Variants in TXNL1 observed in about 807,000 individuals in gnomAD.
The protein encoded by TXNL1 is thioredoxin like 1.
A neutral mutation model predicts 35.5 loss-of-function variants in TXNL1; 14 were observed. The ratio of observed to expected loss-of-function variants is 0.39; its 90% CI spans 0.26 to 0.62. The LOEUF (loss-of-function observed/expected upper bound fraction) is 0.62, where lower values mean the gene tolerates loss of function less well. TXNL1 is among the 20% of genes least tolerant of loss of function. The pLI is 0.47. For synonymous variants in TXNL1, 110 were observed against 115.5 expected (o/e 0.95, Z 0.31); for missense variants, 263 against 349.7 (o/e 0.75, Z 1.98).
At chr18:56,607,139 C>G (rs2023909936) in intron 7 of TXNL1, among the ~76,000 whole-genome samples, 1 of 149,484 alleles carries the variant, frequency 6.7e-6, no homozygotes, top group Non-Finnish European at 1.5e-5. Context: ...ACAGGTGTGC[C>G]CACCACCTTG....
rs1374595225 is a variant in TXNL1 at position 56,600,086 on chromosome 18, G to A, written c.*2941C>T. ...ACTTTATTCTTATTACAGAATCAAAGCTTTTAGACATTAAGAGGAACAAGG... is the reference window on the plus strand; with the variant it reads ...ACTTTATTCTTATTACAGAATCAAAACTTTTAGACATTAAGAGGAACAAGG... On this transcript the variant is annotated 3_prime_UTR_variant, in exon 8 of 8. Coordinates refer to ENST00000217515, the MANE Select transcript of TXNL1 (RefSeq NM_004786.3). The A allele has an allele frequency of 6.6e-6, 1 of 152,158 alleles. No individual in the cohort carries two copies. The highest frequency in any genetic ancestry group is 6.6e-5 in the Admixed American group (1 of 15,266). The allele number at this position is 152,158 out of a possible 1,614,324, so 9.4% of individuals were successfully genotyped here.
chr18:56,637,555 CTTT>C (rs2024475778), intron 1 of TXNL1, among the ~76,000 whole-genome samples: 1 of 152,186 alleles, frequency 6.6e-6, no homozygotes, highest in Non-Finnish European at 1.5e-5. Flanking sequence ...AAAGGTCCAC[CTTT>C]TCTACGACCT....
At position 56,602,887 on chromosome 18, in the gene TXNL1, T is replaced by C. The variant is rs2023829976; in HGVS notation, c.*140A>G. The C allele has an allele frequency of 4.4e-6, 4 of 906,870 alleles. No homozygotes were observed. The Admixed American group carries it at 7.1e-5, about 16-fold the overall frequency. 56.2% of individuals were successfully genotyped at this position (906,870 alleles called of 1,614,324 possible). A position where few individuals can be genotyped will look rare whatever the true frequency, so the allele number is the denominator to read the frequency against. On this transcript the variant is annotated 3_prime_UTR_variant, in exon 8 of 8. Transcript: ENST00000217515. ...TGTGTCAAGATTACAATGGAAACAC[T>C]AGTGATACCATCTGAACAAAAGCAA...
chr18:56,609,334 A>C (rs2023953407), intron 7 of TXNL1: 1 of 152,208 alleles, frequency 6.6e-6, no homozygotes, highest in Admixed American at 6.5e-5. Context: ...GACAGCCCCC[A>C]AAAACGTAGT....
chr18:56,614,318 G>T, intron 6 of TXNL1, 106 bp downstream of exon 6: 2 of 984,232 alleles, frequency 2.0e-6, no homozygotes, highest in Non-Finnish European at 2.9e-6. Flanking sequence ...TTCAAACTGA[G>T]TGAATAAATA....
In TXNL1 at chr18:56,602,771, C is replaced by T. The variant is rs186255005; in HGVS notation, c.*256G>A. On this transcript the variant is annotated 3_prime_UTR_variant, in exon 8 of 8. Transcript: ENST00000217515. Reference sequence around the variant, plus strand: ...AGTCTCTACTAAAATCAGAAGTTAACCAGTTTTCAAATACATGGAAAGAGA... The same window carrying T: ...AGTCTCTACTAAAATCAGAAGTTAATCAGTTTTCAAATACATGGAAAGAGA... The T allele has an allele frequency of 9.8e-4, 541 of 554,612 alleles. 3 individuals are homozygous for T. Among genetic ancestry groups the T allele is most frequent in the East Asian group, 7.1e-3 (231 of 32,400 alleles). 34.4% of individuals were successfully genotyped at this position (554,612 alleles called of 1,614,324 possible).
chr18:56,624,001 T>C (rs1383960784), intron 3 of TXNL1, among the ~76,000 whole-genome samples: 1 of 152,152 alleles, frequency 6.6e-6, no homozygotes, highest in Non-Finnish European at 1.5e-5. Context: ...AAAGCAAGTA[T>C]TTTTAAATGG....
At chr18:56,618,686 G>A (rs570992472) in intron 3 of TXNL1, among the ~76,000 whole-genome samples, 6 of 146,812 alleles carry the variant, frequency 4.1e-5, no homozygotes, top group Non-Finnish European at 9.0e-5. Flanking sequence ...CTCCTGATTA[G>A]TTTGAAAAAA....
chr18:56,629,057 T>G (rs1306276518), intron 1 of TXNL1, among the ~76,000 whole-genome samples: 2 of 152,226 alleles, frequency 1.3e-5, no homozygotes, highest in Non-Finnish European at 1.5e-5. Flanking sequence ...TATCTATTCA[T>G]TTTAGATGAA....
intron 3 of TXNL1, among the ~76,000 whole-genome samples, chr18:56,622,473 A>G (rs1286251975): frequency 6.6e-6 from 1 of 152,240 alleles, no homozygotes; most frequent in Non-Finnish European, 1.5e-5. Context: ...AAGATTACCA[A>G]ATTTAAATAC....
intron 3 of TXNL1, among the ~76,000 whole-genome samples, chr18:56,620,528 A>ATCTTTACT (rs1304236226): frequency 6.6e-6 from 1 of 152,170 alleles, no homozygotes; most frequent in African/African-American, 2.4e-5. Flanking sequence ...TAGGGAAGAA[A>ATCTTTACT]TCTTTACTAC....
intron 3 of TXNL1, among the ~76,000 whole-genome samples, chr18:56,622,796 T>C (rs568035935): frequency 6.6e-6 from 1 of 152,108 alleles, no homozygotes; most frequent in Non-Finnish European, 1.5e-5. Context: ...AACACAATGG[T>C]TTACAAGTTA....
chr18:56,637,777 A>C lies in TXNL1; in HGVS notation c.98+566T>G, dbSNP rs917339085. Among the ~76,000 whole-genome samples, 15 of 152,324 alleles carry C rather than the reference A, an allele frequency of 9.8e-5. No homozygotes were observed. In the East Asian group the frequency reaches 2.9e-3, roughly 29 times the overall value. ...TTAGTGGCCGAACGAGGAAGAAAAA[A>C]GTTCAAATAATTTAAAAAGCACCCT... is the stretch of plus-strand genomic sequence containing the variant. On this transcript the variant is annotated intron_variant, in intron 1 of 7. Coordinates refer to ENST00000217515, the MANE Select transcript of TXNL1 (RefSeq NM_004786.3).
chr18:56,618,893 A>G (rs1401225606), intron 3 of TXNL1, among the ~76,000 whole-genome samples: 1 of 152,136 alleles, frequency 6.6e-6, no homozygotes, highest in Non-Finnish European at 1.5e-5. Context: ...AAGATCCAAA[A>G]AAGTATACAC....
At chr18:56,618,630 G>C (rs988446160) in intron 3 of TXNL1, among the ~76,000 whole-genome samples, 1 of 151,266 alleles carries the variant, frequency 6.6e-6, no homozygotes, top group Non-Finnish European at 1.5e-5. Context: ...ATCAACTGAA[G>C]GCCACTCTTG....
chr18:56,616,085 T>C (rs1023701717), intron 5 of TXNL1, among the ~76,000 whole-genome samples, 160 bp downstream of exon 5: 4 of 151,028 alleles, frequency 2.6e-5, no homozygotes, highest in Middle Eastern at 3.4e-3. Context: ...TGAGCTAAGA[T>C]TGCACCACCG....
intron 1 of TXNL1, among the ~76,000 whole-genome samples, chr18:56,631,630 T>G (rs1309994914): frequency 6.6e-6 from 1 of 152,084 alleles, no homozygotes; most frequent in Non-Finnish European, 1.5e-5. Context: ...TATAAAGAAA[T>G]AAACCCAGCC....
intron 6 of TXNL1, 21 bp downstream of exon 6, chr18:56,614,401 CAT>C: frequency 6.2e-7 from 1 of 1,600,880 alleles, no homozygotes; most frequent in Non-Finnish European, 8.5e-7. Flanking sequence ...CTATTAAATA[CAT>C]ATGAACGAAA....
chr18:56,614,728 G>T, intron 5 of TXNL1, 132 bp from the exon 6 acceptor site: 1 of 746,952 alleles, frequency 1.3e-6, no homozygotes, highest in Non-Finnish European at 2.0e-6. Context: ...TCCATTATTA[G>T]AACTTGTACA....
Sources: allele counts gnomAD v4.1 joint callset (sites outside exome capture counted in the v4.1 genomes callset), GRCh38; gene constraint gnomAD v4.1.1; transcripts MANE v1.5; gene names NCBI Gene and HGNC (gene_info 2026-07-23, HGNC 2026-07-21).